The following SLIT3 variants were observed in gnomAD, a reference collection of about 807,000 sequenced individuals.
SLIT3 encodes the protein slit homolog 3 protein.
SLIT3 carries 68 observed loss-of-function variants against 184.0 expected under a neutral mutation model. The observed-to-expected ratio is 0.37, with a 90% CI of 0.30 to 0.45. The LOEUF (loss-of-function observed/expected upper bound fraction) is 0.45, where lower values mean the gene tolerates loss of function less well. Ranked by LOEUF, SLIT3 falls within the 20% of genes least tolerant of loss-of-function variation. SLIT3 has a pLI of 1.00. For synonymous variants in SLIT3, 831 were observed against 828.6 expected, an observed-to-expected ratio of 1.00 and a Z score of -0.05; for missense variants, 1,707 against 2,026.0, an observed-to-expected ratio of 0.84 and a Z score of 3.02.
chr5:169,245,612 C>G (rs61657864), intron 2 of SLIT3, among the ~76,000 whole-genome samples: 2 of 152,016 alleles, frequency 1.3e-5, no homozygotes, highest in Non-Finnish European at 2.9e-5. Context: ...AACGGGGATG[C>G]AATTGTGATT....
chr5:169,198,393 G>C (rs573220143), intron 3 of SLIT3, among the ~76,000 whole-genome samples: 6 of 152,328 alleles, frequency 3.9e-5, no homozygotes, highest in African/African-American at 1.4e-4. Flanking sequence ...TAGACTGAGA[G>C]AGCAGTATGT....
intron 14 of SLIT3, chr5:168,768,345 CTGAG>C (rs1755419451): frequency 2.2e-6 from 1 of 461,314 alleles, no homozygotes; most frequent in African/African-American, 2.0e-5. Flanking sequence ...CAGGCCCCCA[CTGAG>C]CGTGATTAGT....
chr5:168,866,151 G>A (rs965211247), intron 5 of SLIT3, among the ~76,000 whole-genome samples: 3 of 149,832 alleles, frequency 2.0e-5, no homozygotes, highest in East Asian at 1.9e-4. Flanking sequence ...CAGCCTAGCC[G>A]GGGTCATGTT....
rs142615052 is a variant in SLIT3 at position 169,298,168 on chromosome 5, A to G, written c.197+2345T>C. ...CAGGGAGGAAGGAGACTAGAATGAG[A>G]TACCATCGCGGCACCCCCATGCACC... On this transcript the variant is annotated intron_variant, in intron 1 of 35. Coordinates refer to ENST00000519560, the MANE Select transcript of SLIT3 (RefSeq NM_003062.4). Among the ~76,000 whole-genome samples the G allele has an allele frequency of 9.7e-4, 148 of 152,208 alleles. 1 individual carries two copies. Among genetic ancestry groups the G allele is most frequent in the African/African-American group, 3.4e-3 (142 of 41,530 alleles).
At chr5:169,089,669 A>G (rs940795847) in intron 4 of SLIT3, among the ~76,000 whole-genome samples, 1 of 152,166 alleles carries the variant, frequency 6.6e-6, no homozygotes, top group African/African-American at 2.4e-5. Flanking sequence ...GTCAGATCTC[A>G]GCAAACTTCT....
At chr5:168,859,393 A>AT (rs996781184) in intron 5 of SLIT3, among the ~76,000 whole-genome samples, 4 of 151,992 alleles carry the variant, frequency 2.6e-5, no homozygotes, top group East Asian at 1.9e-4. Flanking sequence ...AACCAGCACC[A>AT]TTTTTTTCAA....
intron 3 of SLIT3, among the ~76,000 whole-genome samples, chr5:169,210,830 T>C (rs1438055690): frequency 6.6e-6 from 1 of 152,210 alleles, no homozygotes. Flanking sequence ...ACTAGTAGAA[T>C]TATACACCCA....
chr5:168,818,697 C>G (rs1297603077), intron 7 of SLIT3, among the ~76,000 whole-genome samples: 2 of 152,252 alleles, frequency 1.3e-5, no homozygotes, highest in Non-Finnish European at 2.9e-5. Flanking sequence ...CTCAAGCCCC[C>G]TCCACGCCTG....
At chr5:168,950,999 T>C (rs963761348) in intron 4 of SLIT3, among the ~76,000 whole-genome samples, 1 of 152,160 alleles carries the variant, frequency 6.6e-6, no homozygotes, top group African/African-American at 2.4e-5. Flanking sequence ...GGCTGGTGGA[T>C]TACTTGAGGT....
intron 4 of SLIT3, among the ~76,000 whole-genome samples, chr5:169,005,833 G>T (rs1755901985): frequency 6.6e-6 from 1 of 152,246 alleles, no homozygotes. Flanking sequence ...GGGAAACGCA[G>T]CGCAAAAGGC....
intron 23 of SLIT3, 91 bp downstream of exon 23, chr5:168,722,165 T>G: frequency 8.6e-7 from 1 of 1,167,212 alleles, no homozygotes; most frequent in Non-Finnish European, 1.3e-6. Flanking sequence ...GAGTGGGCTT[T>G]GGGCAGAGAG....
chr5:168,787,233 A>T (rs1756186591), intron 11 of SLIT3, among the ~76,000 whole-genome samples: 2 of 152,200 alleles, frequency 1.3e-5, no homozygotes, highest in Non-Finnish European at 2.9e-5. Flanking sequence ...CAGTAATGTC[A>T]CTGTCTGCCC....
intron 4 of SLIT3, among the ~76,000 whole-genome samples, chr5:169,126,893 T>A (rs994998362): frequency 9.9e-5 from 15 of 152,188 alleles, no homozygotes; most frequent in Non-Finnish European, 1.5e-5. Context: ...GACCCCATGA[T>A]CCATTAGTCA....
In SLIT3 at chr5:168,891,893, C is replaced by A. The variant is rs868260742; in HGVS notation, c.414-8557G>T. On this transcript the variant is annotated intron_variant, in intron 4 of 35. Transcript: ENST00000519560. ...ATGAGGAAGTCGGGCTGCATGTGGA[C>A]AACAGGAATAGTCAGAAAGCGAGCT... Among the ~76,000 whole-genome samples the A allele has an allele frequency of 5.9e-5, 9 of 152,142 alleles. 1 individual carries two copies. The highest frequency in any genetic ancestry group is 2.2e-4 in the African/African-American group (9 of 41,436).
chr5:168,938,405 T>C (rs1762226572), intron 4 of SLIT3, among the ~76,000 whole-genome samples: 1 of 152,084 alleles, frequency 6.6e-6, no homozygotes, highest in Non-Finnish European at 1.5e-5. Flanking sequence ...GAAAGAAATA[T>C]ATAGAAAGTG....
intron 5 of SLIT3, among the ~76,000 whole-genome samples, chr5:168,856,894 G>A (rs1758899372): frequency 6.6e-6 from 1 of 151,770 alleles, no homozygotes; most frequent in Admixed American, 6.6e-5. Flanking sequence ...GGGCAGTGAG[G>A]GAAGTGCCTT....
chr5:169,261,139 C>T (rs1447421624), intron 1 of SLIT3, among the ~76,000 whole-genome samples: 2 of 152,200 alleles, frequency 1.3e-5, no homozygotes, highest in African/African-American at 2.4e-5. Flanking sequence ...ATGCCAGAGG[C>T]ATAAACAAAA....
At position 169,152,051 on chromosome 5, in the gene SLIT3, T is replaced by C. The variant is rs551626702; in HGVS notation, c.413+41428A>G. 2.6e-5 allele frequency among the ~76,000 whole-genome samples: 4 copies of C among 152,320 alleles called. No individual in the cohort carries two copies. The South Asian group carries it at 8.3e-4, about 32-fold the overall frequency. On this transcript the variant is annotated intron_variant, in intron 4 of 35. Coordinates refer to ENST00000519560, the MANE Select transcript of SLIT3 (RefSeq NM_003062.4). ...CTTGCTGTTGACATCCTCATCATTA[T>C]TAGTTTTGTTATTATGGCTGAAAGG...
At position 169,033,906 on chromosome 5, in the gene SLIT3, G is replaced by A. The variant is rs547438128; in HGVS notation, c.414-150570C>T. Among the ~76,000 whole-genome samples, 41 of 147,140 alleles carry A rather than the reference G, an allele frequency of 2.8e-4. No individual in the cohort carries two copies. The South Asian group carries it at 6.2e-3, about 22-fold the overall frequency. ...CGGCTCACTGCAACCTCCACCTCCCGGGTTCAAGTGATTCTCCTGCCTCAG... is the reference window on the plus strand; with the variant it reads ...CGGCTCACTGCAACCTCCACCTCCCAGGTTCAAGTGATTCTCCTGCCTCAG... On this transcript the variant is annotated intron_variant, in intron 4 of 35. Transcript: ENST00000519560.
Sources: allele counts gnomAD v4.1 joint callset (sites outside exome capture counted in the v4.1 genomes callset), GRCh38; gene constraint gnomAD v4.1.1; transcripts MANE v1.5; gene names NCBI Gene and HGNC (gene_info 2026-07-23, HGNC 2026-07-21).